The following CPNE5 variants were observed in gnomAD, a reference collection of about 807,000 sequenced individuals.
The protein encoded by CPNE5 is copine 5, also known as copine-5.
In CPNE5, 42 loss-of-function variants were observed where a neutral mutation model predicts 81.1. The observed-to-expected ratio is 0.52, with a 90% CI of 0.40 to 0.67. CPNE5 has a LOEUF of 0.67. Ranked by LOEUF, CPNE5 falls within the 30% of genes least tolerant of loss-of-function variation. The pLI is 0.00. For missense variants in CPNE5, 612 were observed against 815.5 expected (o/e 0.75, Z 3.04); for synonymous variants, 313 against 321.5 (o/e 0.97, Z 0.28).
chr6:36,791,978 C>A, intron 8 of CPNE5, 55 bp downstream of exon 8: 7 of 1,483,712 alleles, frequency 4.7e-6, no homozygotes, highest in Non-Finnish European at 4.7e-6. Context: ...GGCCAGCCTG[C>A]ACTCCATCAC....
chr6:36,750,665 C>T (rs1436815010), intron 14 of CPNE5, among the ~76,000 whole-genome samples: 1 of 152,136 alleles, frequency 6.6e-6, no homozygotes. Context: ...TTGTTGTCAC[C>T]CCCGCTTCAG....
rs528793454 is a variant in CPNE5, at chr6:36,825,714, C to G, written c.96-2616G>C. ...ACCGAGGCGGGCTGACTTCCCTGGG[C>G]CGACATTCTCATCCTGAAGTGTGCT... On this transcript the variant is annotated intron_variant, in intron 1 of 20. Transcript: ENST00000244751. 2.5e-3 allele frequency among the ~76,000 whole-genome samples: 378 copies of G among 152,260 alleles called. 2 individuals are homozygous for G. The highest frequency in any genetic ancestry group is 8.8e-3 in the African/African-American group (366 of 41,552).
At chr6:36,749,163 T>G (rs1015750290) in intron 14 of CPNE5, among the ~76,000 whole-genome samples, 74 of 152,160 alleles carry the variant, frequency 4.9e-4, no homozygotes, top group African/African-American at 1.8e-3. Context: ...CTTGAACTCC[T>G]GGGCAAAAGT....
chr6:36,823,395 G>C (rs1020538549), intron 1 of CPNE5, among the ~76,000 whole-genome samples: 5 of 152,118 alleles, frequency 3.3e-5, no homozygotes, highest in African/African-American at 4.8e-5. Flanking sequence ...ACTCACCATC[G>C]GGGGATTTCC....
chr6:36,765,192 C>CCA, intron 11 of CPNE5, 143 bp downstream of exon 11: 1 of 763,718 alleles, frequency 1.3e-6, no homozygotes, highest in Non-Finnish European at 2.1e-6. Context: ...CCCCCACCCT[C>CCA]CACACACACG....
chr6:36,803,847 C>T (rs1404874758), intron 3 of CPNE5, among the ~76,000 whole-genome samples: 1 of 152,148 alleles, frequency 6.6e-6, no homozygotes, highest in Non-Finnish European at 1.5e-5. Context: ...CCAACACAGA[C>T]CAATTAAATA....
At chr6:36,836,777 AC>A (rs1366483763) in intron 1 of CPNE5, among the ~76,000 whole-genome samples, 2 of 151,980 alleles carry the variant, frequency 1.3e-5, no homozygotes, top group African/African-American at 4.8e-5. Flanking sequence ...CTGTTCTAGA[AC>A]CTGAATAGTT....
chr6:36,805,576 C>A (rs1007296208), intron 3 of CPNE5, among the ~76,000 whole-genome samples: 17 of 152,128 alleles, frequency 1.1e-4, no homozygotes, highest in African/African-American at 3.9e-4. Context: ...CAAGTGTGCA[C>A]TGGGGAGGCT....
intron 1 of CPNE5, among the ~76,000 whole-genome samples, chr6:36,834,254 C>CAAAAAAAAAAAAAAAAAA (rs1157250827): frequency 2.3e-4 from 5 of 21,680 alleles, no homozygotes; most frequent in Non-Finnish European, 1.9e-4. Context: ...GACTGTATCT[C>CAAAAAAAAAAAAAAAAAA]AAAAAAAAAA....
intron 12 of CPNE5, chr6:36,757,328 T>G (rs1765581817): frequency 1.0e-6 from 1 of 985,338 alleles, no homozygotes; most frequent in Non-Finnish European, 1.2e-6. Context: ...ATTTCCCCTT[T>G]CCCTGTCTTT....
At chr6:36,809,802 G>A (rs560601577) in intron 3 of CPNE5, among the ~76,000 whole-genome samples, 6 of 151,756 alleles carry the variant, frequency 4.0e-5, no homozygotes, top group Non-Finnish European at 7.4e-5. Flanking sequence ...GGCTCCCAGC[G>A]CTGAGTGGAG....
At chr6:36,791,577 C>T (rs1383529339) in intron 8 of CPNE5, among the ~76,000 whole-genome samples, 1 of 152,206 alleles carries the variant, frequency 6.6e-6, no homozygotes, top group African/African-American at 2.4e-5. Context: ...TGCGTACGCA[C>T]AGACACACTC....
intron 10 of CPNE5, among the ~76,000 whole-genome samples, chr6:36,771,811 C>T (rs758409474): frequency 6.2e-5 from 9 of 144,374 alleles, no homozygotes; most frequent in East Asian, 4.1e-4. Flanking sequence ...CTGTTGGGTG[C>T]GTGGGTTACA....
At chr6:36,834,011 A>G (rs1773189107) in intron 1 of CPNE5, among the ~76,000 whole-genome samples, 1 of 152,028 alleles carries the variant, frequency 6.6e-6, no homozygotes, top group Non-Finnish European at 1.5e-5. Context: ...GCTTCAGACT[A>G]GGAGTTTGAG....
intron 13 of CPNE5, 114 bp downstream of exon 13, chr6:36,756,131 A>C: frequency 2.0e-6 from 1 of 492,108 alleles, no homozygotes; most frequent in Non-Finnish European, 3.6e-6. Flanking sequence ...TGGATGTCTG[A>C]TTCCCACGCT....
intron 10 of CPNE5, among the ~76,000 whole-genome samples, chr6:36,767,447 G>A (rs1273856281): frequency 6.6e-6 from 1 of 152,200 alleles, no homozygotes; most frequent in Non-Finnish European, 1.5e-5. Context: ...CTGAGGGTCT[G>A]AGCCAGAACA....
chr6:36,808,215 C>G lies in CPNE5; in HGVS notation c.184-8145G>C, dbSNP rs1582965137. ...AAGTGATTCTCCCGCCTCAGCCTCC[C>G]CAGTAGCTGGGATTACACGTGCCTG... On this transcript the variant is annotated intron_variant, in intron 3 of 20. Transcript: ENST00000244751. 2.0e-5 allele frequency among the ~76,000 whole-genome samples: 3 copies of G among 152,082 alleles called. No individual in the cohort carries two copies. The South Asian group carries it at 6.2e-4, about 31-fold the overall frequency.
intron 1 of CPNE5, among the ~76,000 whole-genome samples, chr6:36,823,343 C>A (rs906004482): frequency 6.6e-6 from 1 of 152,230 alleles, no homozygotes; most frequent in Non-Finnish European, 1.5e-5. Context: ...CACAAGCACT[C>A]CGGGTAGGTG....
At chr6:36,751,916 G>A (rs1269830528) in intron 14 of CPNE5, among the ~76,000 whole-genome samples, 1 of 152,198 alleles carries the variant, frequency 6.6e-6, no homozygotes, top group African/African-American at 2.4e-5. Flanking sequence ...GGGATTGAGA[G>A]GGAAGCAATT....
Sources: gnomAD v4.1 joint callset for allele counts (sites outside exome capture counted in the v4.1 genomes callset) on GRCh38, gnomAD v4.1.1 for gene constraint, MANE v1.5 for transcripts, NCBI Gene and HGNC (gene_info 2026-07-23, HGNC 2026-07-21) for gene names.